The following TUB variants were observed in gnomAD, a reference collection of about 807,000 sequenced individuals.
The protein encoded by TUB is tubby protein homolog.
A neutral mutation model predicts 59.7 loss-of-function variants in TUB; 33 were observed. That is an observed-to-expected ratio of 0.55 (90% CI 0.42 to 0.74). The LOEUF is 0.74. TUB is among the 30% of genes least tolerant of loss of function. The pLI is 0.00. For synonymous variants in TUB, 293 were observed against 256.4 expected (o/e 1.14, Z -1.36); for missense variants, 659 against 672.0 (o/e 0.98, Z 0.21).
At chr11:8,019,456 C>T in intron 1 of TUB, 1 of 1,192,726 alleles carries the variant, frequency 8.4e-7, no homozygotes, top group Middle Eastern at 3.1e-4. Flanking sequence ...GCGCGAGCGC[C>T]CGACCCCCAG....
chr11:8,030,623 A>G (rs984684478), intron 1 of TUB, among the ~76,000 whole-genome samples: 2 of 152,172 alleles, frequency 1.3e-5, no homozygotes, highest in Non-Finnish European at 2.9e-5. Flanking sequence ...CAGCCTGTCC[A>G]TGCTTTTGTC....
In TUB at chr11:8,041,716, A is replaced by G. The variant is rs552843707; in HGVS notation, c.203+2024A>G. Among the ~76,000 whole-genome samples the G allele has an allele frequency of 4.6e-5, 7 of 152,256 alleles. No homozygotes were observed. The South Asian group carries it at 1.2e-3, about 27-fold the overall frequency. On this transcript the variant is annotated intron_variant, in intron 2 of 12. Transcript: ENST00000305253. Reference sequence around the variant, plus strand: ...CTGAATCAACTCTTGTTCCTATTCTATCTGAGCTCTGTTGCTTGTCACTTC... The same window carrying G: ...CTGAATCAACTCTTGTTCCTATTCTGTCTGAGCTCTGTTGCTTGTCACTTC...
At position 8,101,015 on chromosome 11, in the gene TUB, T is replaced by G; in HGVS notation, c.1387+18T>G. On this transcript the variant is annotated intron_variant, in intron 11 of 11. Transcript: ENST00000299506. ...CAATGACCGTGAGTGTTTCTGTCCC[T>G]ACTCATTATGGTCCGTAGGATACCC... 1.2e-6 allele frequency: 2 copies of G among 1,613,968 alleles called. No homozygotes were observed. The highest frequency in any genetic ancestry group is 1.7e-6 in the Non-Finnish European group (2 of 1,179,930).
intron 1 of TUB, among the ~76,000 whole-genome samples, chr11:8,032,261 G>A (rs889734380): frequency 2.0e-5 from 3 of 152,058 alleles, no homozygotes; most frequent in African/African-American, 4.8e-5. Flanking sequence ...CACAAGTGCC[G>A]CCCCCACCCC....
intron 1 of TUB, among the ~76,000 whole-genome samples, chr11:8,027,166 G>A (rs768205824): frequency 4.6e-5 from 7 of 152,106 alleles, no homozygotes; most frequent in Non-Finnish European, 1.0e-4. Context: ...CAAGTCCGTG[G>A]CATCAGTTAC....
rs138756286 is a variant in TUB, at chr11:8,031,031, C to T, written c.56+11673C>T. Among the ~76,000 whole-genome samples the T allele has an allele frequency of 2.9e-3, 435 of 152,302 alleles. 3 individuals are homozygous for T. Among genetic ancestry groups the T allele is most frequent in the African/African-American group, 9.5e-3 (394 of 41,564 alleles). On this transcript the variant is annotated intron_variant, in intron 1 of 11. Transcript: ENST00000534099. Reference sequence around the variant, plus strand: ...AGTGTTCAGACAACAGAGGCAATGACGGGTTGGGCTCTGAGAGAAGGCGTC... The same window carrying T: ...AGTGTTCAGACAACAGAGGCAATGATGGGTTGGGCTCTGAGAGAAGGCGTC...
At chr11:8,078,368 T>C (rs1044873100), upstream of TUB, among the ~76,000 whole-genome samples, 1 of 152,158 alleles carries the variant, frequency 6.6e-6, no homozygotes, top group Non-Finnish European at 1.5e-5. Flanking sequence ...GGTGTTTCAG[T>C]CCAGATAACC....
At chr11:8,086,662 C>G (rs912563558) in intron 1 of TUB, among the ~76,000 whole-genome samples, 1 of 152,130 alleles carries the variant, frequency 6.6e-6, no homozygotes, top group African/African-American at 2.4e-5. Flanking sequence ...CTCAGAGCCT[C>G]CCCATTTTAG....
intron 2 of TUB, among the ~76,000 whole-genome samples, chr11:8,041,635 C>T (rs892296981): frequency 1.3e-5 from 2 of 152,144 alleles, no homozygotes; most frequent in Non-Finnish European, 2.9e-5. Context: ...CCCATATCTC[C>T]ACCATGTCTG....
intron 2 of TUB, among the ~76,000 whole-genome samples, chr11:8,042,345 G>T (rs1439877002): frequency 6.6e-6 from 1 of 152,056 alleles, no homozygotes; most frequent in Non-Finnish European, 1.5e-5. Context: ...TCAATTGTAT[G>T]GATATACCAC....
At position 8,090,134 on chromosome 11, in the gene TUB, A is replaced by C; in HGVS notation, c.156A>C (p.Ala52=). ...AGCCCCTGATGGTGCAGGCCAATGC[A>C]GATGGGCGGCCCCGGAGCCGGCGGG... The part of the protein sequence containing the change: ...RQEPLMVQAN[A]DGRPRSRRAR... The change falls in exon 3 of 12, where the codon GCA becomes GCC. Residue 52 remains alanine, a synonymous_variant. Transcript: ENST00000299506. 6.2e-7 allele frequency: 1 copy of C among 1,613,582 alleles called. No homozygotes were observed. Among genetic ancestry groups the C allele is most frequent in the East Asian group, 2.2e-5 (1 of 44,884 alleles).
chr11:8,072,645 C>T (rs376953347), intron 2 of TUB, among the ~76,000 whole-genome samples: 1 of 152,326 alleles, frequency 6.6e-6, no homozygotes, highest in East Asian at 1.9e-4. Flanking sequence ...CACAGACACA[C>T]GTCCCTTCTC....
At chr11:8,031,210 A>G (rs184102078) in intron 1 of TUB, among the ~76,000 whole-genome samples, 85 of 152,270 alleles carry the variant, frequency 5.6e-4, no homozygotes, top group Middle Eastern at 3.4e-3. Flanking sequence ...TGACTGTGTG[A>G]ACGGGGTGGG....
chr11:8,056,416 TATAA>T (rs1943022556), intron 2 of TUB, among the ~76,000 whole-genome samples: 1 of 151,920 alleles, frequency 6.6e-6, no homozygotes, highest in Admixed American at 6.6e-5. Context: ...TGGAGAGAAG[TATAA>T]ATAAATGATG....
chr11:8,032,899 C>T (rs1002628799), intron 1 of TUB, among the ~76,000 whole-genome samples: 2 of 152,212 alleles, frequency 1.3e-5, no homozygotes, highest in Non-Finnish European at 2.9e-5. Context: ...AGGAGCAAGG[C>T]GAGTTAACTG....
At chr11:8,040,363 C>G (rs1589927113) in intron 2 of TUB, among the ~76,000 whole-genome samples, 1 of 152,216 alleles carries the variant, frequency 6.6e-6, no homozygotes, top group Non-Finnish European at 1.5e-5. Context: ...TCCCCAGCTG[C>G]AGAGTGTCTG....
At position 8,098,885 on chromosome 11, in the gene TUB, A is replaced by G. The variant is rs369305110; in HGVS notation, c.1116+10A>G. 17 of 1,589,710 alleles carry G rather than the reference A, an allele frequency of 1.1e-5. No homozygotes were observed. Among genetic ancestry groups the G allele is most frequent in the Non-Finnish European group, 1.3e-5 (15 of 1,157,858 alleles). On this transcript the variant is annotated intron_variant, in intron 9 of 11. Transcript: ENST00000299506. Reference sequence around the variant, plus strand: ...GGCAGCTGTGTGCTACGTGAGTCCTAGGTTCGGGGGTCTCTGATTTCCAAG... The same window carrying G: ...GGCAGCTGTGTGCTACGTGAGTCCTGGGTTCGGGGGTCTCTGATTTCCAAG...
At chr11:8,097,633 G>C (rs948647954) in intron 7 of TUB, 81 bp from the exon 8 acceptor site, 3 of 1,366,518 alleles carry the variant, frequency 2.2e-6, no homozygotes, top group Middle Eastern at 3.7e-4. Context: ...ACGCAACGGA[G>C]AGAGTCTGTG....
chr11:8,089,996 G>A, intron 2 of TUB, 73 bp from the exon 3 acceptor site: 2 of 1,483,142 alleles, frequency 1.3e-6, no homozygotes, highest in Non-Finnish European at 1.8e-6. Flanking sequence ...GGTGGGCTGT[G>A]GACCCCCCGA....
Sources: allele counts gnomAD v4.1 joint callset (sites outside exome capture counted in the v4.1 genomes callset), GRCh38; gene constraint gnomAD v4.1.1; transcripts MANE v1.5; gene names NCBI Gene and HGNC (gene_info 2026-07-23, HGNC 2026-07-21).